The following PTPRB variants were observed in gnomAD, a reference collection of about 807,000 sequenced individuals.
PTPRB encodes receptor-type tyrosine-protein phosphatase beta.
Under a neutral mutation model 238.1 loss-of-function variants are expected in PTPRB, and 97 were observed. The ratio of observed to expected loss-of-function variants is 0.41; its 90% CI spans 0.35 to 0.48. PTPRB has a LOEUF of 0.48. PTPRB is among the 20% of genes least tolerant of loss of function. The pLI, the probability that PTPRB is intolerant of heterozygous loss-of-function variation, is 0.30. For synonymous variants in PTPRB, 970 were observed against 995.4 expected, an observed-to-expected ratio of 0.97 and a Z score of 0.48; for missense variants, 2,292 against 2,681.9, an observed-to-expected ratio of 0.85 and a Z score of 3.21.
intron 2 of PTPRB, among the ~76,000 whole-genome samples, chr12:70,632,013 AGT>A (rs1413360213): frequency 4.6e-5 from 7 of 152,200 alleles, no homozygotes; most frequent in African/African-American, 1.7e-4. Flanking sequence ...TGTGGAAGAC[AGT>A]GTGGTGATTC....
Position 70,566,621 on chromosome 12 carries a change from C to T in PTPRB, c.3718G>A (p.Val1240Met). The change falls in exon 15 of 34, where the codon GTG becomes ATG. Residue 1240 changes from valine (V) to methionine (M), a missense_variant. Val to Met is a conservative substitution (Grantham distance 21). This residue lies in a region of PTPRB where 683 missense variants were observed against 862.0 expected (regional missense o/e 0.79). Transcript: ENST00000334414. Reference sequence around the variant, plus strand: ...AGCAGGATATCATATCTTTCTGCCACACCAGCAGCTTTTTGCCAACTTACT... The same window carrying T: ...AGCAGGATATCATATCTTTCTGCCATACCAGCAGCTTTTTGCCAACTTACT... ...LIVSWQKAAGVAERYDILLLT... is the reference protein window; with the variant it reads ...LIVSWQKAAGMAERYDILLLT... 5 of 1,614,032 alleles carry T rather than the reference C, an allele frequency of 3.1e-6. No individual in the cohort carries two copies. Among genetic ancestry groups the T allele is most frequent in the East Asian group, 2.2e-5 (1 of 44,882 alleles).
chr12:70,524,973 G>A (rs1046537769), intron 32 of PTPRB, among the ~76,000 whole-genome samples: 19 of 130,214 alleles, frequency 1.5e-4, no homozygotes, highest in Non-Finnish European at 2.2e-4. Context: ...GTGTATATAT[G>A]TGTGTGTGTG....
intron 21 of PTPRB, 92 bp from the exon 22 acceptor site, chr12:70,544,755 G>T: frequency 1.3e-6 from 1 of 743,956 alleles, no homozygotes; most frequent in Non-Finnish European, 2.1e-6. Flanking sequence ...CGGGTTCCTG[G>T]TCAGTGGGTA....
At chr12:70,624,234 G>C (rs921623211) in intron 2 of PTPRB, among the ~76,000 whole-genome samples, 1 of 152,066 alleles carries the variant, frequency 6.6e-6, no homozygotes, top group African/African-American at 2.4e-5. Context: ...AACATACTAT[G>C]TATTAGTAAT....
chr12:70,544,982 G>A (rs1467738803), intron 21 of PTPRB, among the ~76,000 whole-genome samples: 1 of 152,186 alleles, frequency 6.6e-6, no homozygotes, highest in Non-Finnish European at 1.5e-5. Context: ...TAAATCAGAT[G>A]AGATGTGTGC....
At chr12:70,617,206 A>G (rs1386339595) in intron 3 of PTPRB, among the ~76,000 whole-genome samples, 1 of 152,228 alleles carries the variant, frequency 6.6e-6, no homozygotes, top group Non-Finnish European at 1.5e-5. Context: ...TGAGATTTTC[A>G]GGCTGGTGGG....
chr12:70,524,944 T>C (rs1283903781), intron 32 of PTPRB, among the ~76,000 whole-genome samples: 2 of 147,384 alleles, frequency 1.4e-5, no homozygotes, highest in Non-Finnish European at 3.0e-5. Flanking sequence ...TGTATGTATA[T>C]ATATGTGTAT....
At position 70,539,000 on chromosome 12, in the gene PTPRB, C is replaced by T; in HGVS notation, c.5793G>A (p.Val1931=). The part of the protein sequence containing the change: ...LSKEYEELKD[V]GRNQSCDIAL... ...CAATGTCACATGACTGGTTTCGGCC[C>T]ACGTCTTTTAACTCCTGTTAGGTCA... is the stretch of plus-strand genomic sequence containing the variant. The change falls in exon 27 of 34, where the codon GTG becomes GTA. Residue 1931 remains valine, a synonymous_variant. Coordinates refer to ENST00000334414, the MANE Select transcript of PTPRB (RefSeq NM_001109754.4). 1 of 1,613,604 alleles carries T rather than the reference C, an allele frequency of 6.2e-7. No homozygotes were observed. The highest frequency in any genetic ancestry group is 1.1e-5 in the South Asian group (1 of 90,932).
At chr12:70,562,213 G>A (rs554666156) in intron 16 of PTPRB, among the ~76,000 whole-genome samples, 1 of 152,348 alleles carries the variant, frequency 6.6e-6, no homozygotes, top group African/African-American at 2.4e-5. Context: ...GAGCCCAGGT[G>A]GTCGAGGCTG....
intron 33 of PTPRB, among the ~76,000 whole-genome samples, chr12:70,522,863 CTTT>C (rs35913444): frequency 8.5e-6 from 1 of 118,224 alleles, no homozygotes; most frequent in Non-Finnish European, 1.7e-5. Context: ...TTTGTTTTTT[CTTT>C]TTTTTTTTTT....
At chr12:70,633,792 A>G (rs1592614957) in intron 2 of PTPRB, among the ~76,000 whole-genome samples, 1 of 152,216 alleles carries the variant, frequency 6.6e-6, no homozygotes, top group African/African-American at 2.4e-5. Flanking sequence ...TTTTCTATGA[A>G]TTATCTTTTA....
intron 9 of PTPRB, chr12:70,585,174 T>G (rs1183578849): frequency 6.6e-6 from 1 of 152,114 alleles, no homozygotes; most frequent in Non-Finnish European, 1.5e-5. Context: ...TTGGCCAGGC[T>G]GGTCTTGAAT....
At chr12:70,604,871 A>C (rs1193458303) in intron 4 of PTPRB, among the ~76,000 whole-genome samples, 1 of 152,158 alleles carries the variant, frequency 6.6e-6, no homozygotes, top group Non-Finnish European at 1.5e-5. Context: ...CTCAGAAGAA[A>C]CTAAACCTGC....
intron 15 of PTPRB, among the ~76,000 whole-genome samples, chr12:70,564,568 G>A (rs113604073): frequency 0.022 from 3,312 of 149,808 alleles, 139 homozygotes; most frequent in African/African-American, 0.077. Flanking sequence ...GTGGTGGCTC[G>A]TGCCTGTAAT....
rs1877594610 is a variant in PTPRB, at chr12:70,555,903, C to A, written c.4960G>T (p.Val1654Leu). The change falls in exon 19 of 34, where the codon GTG becomes TTG. Residue 1654 changes from valine to leucine, a missense_variant. Around this residue, in one of 4 missense-constraint regions of PTPRB, gnomAD observed 683 missense variants for 862.0 expected, o/e 0.79. Coordinates refer to ENST00000334414, the MANE Select transcript of PTPRB (RefSeq NM_001109754.4). ...KVQSAGMTSE[V>L]VEDSTITMID... The stretch of plus-strand genomic sequence containing the variant: ...ATTGTGATAGTGCTGTCTTCAACCA[C>A]CTCGCTGGTCATGCCGGCCGACTGC... 1 of 1,613,320 alleles carries A rather than the reference C, an allele frequency of 6.2e-7. No individual in the cohort carries two copies. Among genetic ancestry groups the A allele is most frequent in the South Asian group, 1.1e-5 (1 of 91,050 alleles).
intron 2 of PTPRB, among the ~76,000 whole-genome samples, chr12:70,633,602 C>T (rs760629361): frequency 9.9e-5 from 15 of 152,180 alleles, no homozygotes; most frequent in Non-Finnish European, 2.1e-4. Flanking sequence ...TTTTGTACCA[C>T]AATTGTGCAA....
intron 6 of PTPRB, among the ~76,000 whole-genome samples, chr12:70,594,153 C>G (rs748292284): frequency 6.6e-6 from 1 of 152,104 alleles, no homozygotes; most frequent in Admixed American, 6.5e-5. Flanking sequence ...GTCATAAAGA[C>G]AGCAGTTGCC....
chr12:70,520,480 G>A lies in PTPRB; in HGVS notation c.*1009C>T. ...TTGTAGTCATTTCTATGAAAATGTT[G>A]GCATTAAGCCTTTTAATGAGGGGCA... is the stretch of plus-strand genomic sequence containing the variant. On this transcript the variant is annotated 3_prime_UTR_variant, in exon 34 of 34. Coordinates refer to ENST00000334414, the MANE Select transcript of PTPRB (RefSeq NM_001109754.4). 1 of 202,316 alleles carries A rather than the reference G, an allele frequency of 4.9e-6. No homozygotes were observed. Among genetic ancestry groups the A allele is most frequent in the South Asian group, 6.6e-5 (1 of 15,102 alleles). 12.5% of individuals were successfully genotyped at this position (202,316 alleles called of 1,614,324 possible). A position where few individuals can be genotyped will look rare whatever the true frequency, so the allele number is the denominator to read the frequency against.
At chr12:70,631,681 A>C (rs1488049533) in intron 2 of PTPRB, among the ~76,000 whole-genome samples, 1 of 152,120 alleles carries the variant, frequency 6.6e-6, no homozygotes, top group African/African-American at 2.4e-5. Flanking sequence ...ATCTACCCAT[A>C]TGACAAAGGG....
Sources: allele counts gnomAD v4.1 joint callset (sites outside exome capture counted in the v4.1 genomes callset), GRCh38; gene constraint gnomAD v4.1.1; regional missense constraint gnomAD v4.1.1; transcripts MANE v1.5; gene names NCBI Gene and HGNC (gene_info 2026-07-23, HGNC 2026-07-21).